The following ARID1B variants were observed in gnomAD, a reference collection of about 807,000 sequenced individuals.
ARID1B encodes the protein AT-rich interaction domain 1B.
A neutral mutation model predicts 212.3 loss-of-function variants in ARID1B; 30 were observed. The ratio of observed to expected loss-of-function variants is 0.14; its 90% CI spans 0.11 to 0.19. ARID1B has a LOEUF of 0.19. Among genes scored for constraint, ARID1B ranks in the 10% least tolerant of loss-of-function variants. The probability of loss-of-function intolerance (pLI) is 1.00; values close to 1 mark genes in which losing one functional copy is unlikely to be tolerated. For synonymous variants in ARID1B, 1,402 were observed against 1,301.7 expected (o/e 1.08, Z -1.66); for missense variants, 2,891 against 3,204.0 (o/e 0.90, Z 2.36).
chr6:156,796,807 G>A (rs1419349182), intron 1 of ARID1B, among the ~76,000 whole-genome samples: 1 of 152,138 alleles, frequency 6.6e-6, no homozygotes, highest in Non-Finnish European at 1.5e-5. Flanking sequence ...GCAGACAAGT[G>A]GTGAGATGGT....
intron 17 of ARID1B, among the ~76,000 whole-genome samples, chr6:157,199,537 G>A (rs991018905): frequency 3.3e-5 from 5 of 150,940 alleles, no homozygotes; most frequent in Non-Finnish European, 7.4e-5. Flanking sequence ...AAACTTTTCA[G>A]ATCTGAGAAC....
In ARID1B at chr6:157,208,889, AG is replaced by A. The variant is rs1297806802; in HGVS notation, c.*1001del. 1 of 227,288 alleles carries A rather than the reference AG, an allele frequency of 4.4e-6. No individual in the cohort carries two copies. Among genetic ancestry groups the A allele is most frequent in the Non-Finnish European group, 8.7e-6 (1 of 114,684 alleles). 14.1% of individuals were successfully genotyped at this position (227,288 alleles called of 1,614,324 possible). ...CAAAAAACAAAAACAAAAAAAAAAG[AG>A]GGTAATGTACAAGTTTCTGTATGTA... On this transcript the variant is annotated 3_prime_UTR_variant, in exon 20 of 20. Transcript: ENST00000636930.
chr6:156,880,504 G>A (rs189664605), intron 2 of ARID1B, among the ~76,000 whole-genome samples: 4 of 152,202 alleles, frequency 2.6e-5, no homozygotes, highest in East Asian at 3.9e-4. Context: ...TTGGGAGGCC[G>A]AGGCTGGCAG....
chr6:157,054,700 C>T (rs61185167), intron 4 of ARID1B, among the ~76,000 whole-genome samples: 5,022 of 152,220 alleles, frequency 0.033, 272 homozygotes, highest in African/African-American at 0.11. Flanking sequence ...GCAAAAGAAC[C>T]ACAGCCTAGG....
At chr6:157,038,299 TC>T (rs1221126514) in intron 4 of ARID1B, among the ~76,000 whole-genome samples, 1 of 152,160 alleles carries the variant, frequency 6.6e-6, no homozygotes, top group African/African-American at 2.4e-5. Flanking sequence ...ACGTGACTCC[TC>T]CATGTGCTAC....
intron 4 of ARID1B, chr6:156,939,544 TTAAAA>T (rs1792507556): frequency 6.6e-6 from 1 of 152,192 alleles, no homozygotes. Context: ...AAAAATTATT[TTAAAA>T]TAAATTATTT....
At chr6:156,858,773 C>G (rs928063521) in intron 2 of ARID1B, among the ~76,000 whole-genome samples, 1 of 151,936 alleles carries the variant, frequency 6.6e-6, no homozygotes, top group Non-Finnish European at 1.5e-5. Context: ...TGTCTCAAAA[C>G]AAAAACAAAA....
chr6:157,161,439 A>G (rs868439579), intron 8 of ARID1B, among the ~76,000 whole-genome samples: 1,886 of 148,280 alleles, frequency 0.013, 61 homozygotes, highest in African/African-American at 0.046. Flanking sequence ...GTGTATATAT[A>G]TATATATATA....
chr6:157,096,546 G>C (rs534733015), intron 5 of ARID1B, among the ~76,000 whole-genome samples: 1 of 152,372 alleles, frequency 6.6e-6, no homozygotes, highest in Admixed American at 6.5e-5. Flanking sequence ...GAGAGTACTT[G>C]AGGTCGTGCT....
chr6:157,045,082 A>G (rs1211265968), intron 4 of ARID1B, among the ~76,000 whole-genome samples: 1 of 152,254 alleles, frequency 6.6e-6, no homozygotes. Context: ...CTGTTCAGGT[A>G]GAGTGCTATA....
chr6:157,041,320 C>T (rs189772772), intron 4 of ARID1B, among the ~76,000 whole-genome samples: 1 of 152,080 alleles, frequency 6.6e-6, no homozygotes, highest in East Asian at 1.9e-4. Flanking sequence ...GATTACATTA[C>T]TAAACATAGG....
rs563126031 is a variant in ARID1B, at chr6:156,795,999, C to G, written c.1791+16528C>G. On this transcript the variant is annotated intron_variant, in intron 1 of 19. Coordinates refer to ENST00000636930, the MANE Select transcript of ARID1B (RefSeq NM_001374828.1). ...AAAGCTCGGCACTGCTCTGCTCATGCCTGTTTGCGGTGGGAAAGCTCGGCG... is the reference window on the plus strand; with the variant it reads ...AAAGCTCGGCACTGCTCTGCTCATGGCTGTTTGCGGTGGGAAAGCTCGGCG... 3.0e-4 allele frequency among the ~76,000 whole-genome samples: 46 copies of G among 151,932 alleles called. 1 individual carries two copies. The highest frequency in any genetic ancestry group is 6.5e-4 in the Non-Finnish European group (44 of 67,988).
At chr6:157,155,163 G>A (rs1414541318) in intron 8 of ARID1B, among the ~76,000 whole-genome samples, 3 of 152,098 alleles carry the variant, frequency 2.0e-5, no homozygotes, top group East Asian at 3.8e-4. Flanking sequence ...AGAGCCAAGC[G>A]CTTTGTGAGA....
intron 10 of ARID1B, 57 bp from the exon 11 acceptor site, chr6:157,174,790 T>A: frequency 7.3e-7 from 1 of 1,370,860 alleles, no homozygotes; most frequent in Admixed American, 2.7e-5. Flanking sequence ...TTTTGTTATT[T>A]TAAATAAAGT....
intron 4 of ARID1B, among the ~76,000 whole-genome samples, chr6:156,992,680 C>T (rs1778340769): frequency 6.6e-6 from 1 of 152,178 alleles, no homozygotes. Context: ...TGTCTGGCTT[C>T]TCCAGAGCAG....
intron 2 of ARID1B, among the ~76,000 whole-genome samples, chr6:156,897,786 G>A (rs915474139): frequency 2.6e-5 from 4 of 152,124 alleles, no homozygotes; most frequent in Admixed American, 6.5e-5. Flanking sequence ...GTACCATTCA[G>A]TGGCTGTAGA....
chr6:157,027,619 G>T (rs1397721451), intron 4 of ARID1B, among the ~76,000 whole-genome samples: 1 of 152,230 alleles, frequency 6.6e-6, no homozygotes, highest in Admixed American at 6.5e-5. Context: ...GGCTGTAATA[G>T]AAGTTTCATT....
chr6:156,854,752 G>A (rs1784806847), intron 2 of ARID1B, among the ~76,000 whole-genome samples: 1 of 152,214 alleles, frequency 6.6e-6, no homozygotes, highest in Admixed American at 6.5e-5. Context: ...TGAATATATA[G>A]GGCACAGATG....
At position 156,955,533 on chromosome 6, in the gene ARID1B, A is replaced by G. The variant is rs148473104; in HGVS notation, c.2247+19957A>G. Among the ~76,000 whole-genome samples, 156 of 152,354 alleles carry G rather than the reference A, an allele frequency of 1.0e-3. 1 individual carries two copies. Among genetic ancestry groups the G allele is most frequent in the African/African-American group, 3.5e-3 (147 of 41,588 alleles). Reference sequence around the variant, plus strand: ...ATGTAACACATATAAAGGCTCTGTAATAATTGAAAGTTATACATAATTTGC... The same window carrying G: ...ATGTAACACATATAAAGGCTCTGTAGTAATTGAAAGTTATACATAATTTGC... On this transcript the variant is annotated intron_variant, in intron 4 of 19. Coordinates refer to ENST00000636930, the MANE Select transcript of ARID1B (RefSeq NM_001374828.1). This position sits in a 1 kb window ranked among gnomAD's most constrained non-coding sequence, Gnocchi z 4.2.
Sources: allele counts gnomAD v4.1 joint callset (sites outside exome capture counted in the v4.1 genomes callset), GRCh38; gene constraint gnomAD v4.1.1; non-coding constraint Gnocchi (gnomAD v3.1); transcripts MANE v1.5; gene names NCBI Gene and HGNC (gene_info 2026-07-23, HGNC 2026-07-21).